Variants in ATAD2B observed in about 807,000 individuals in gnomAD.
ATAD2B encodes ATPase family AAA domain-containing protein 2B.
In ATAD2B, 40 loss-of-function variants were observed where a neutral mutation model predicts 167.6. That is an observed-to-expected ratio of 0.24 (90% CI 0.19 to 0.31). The LOEUF is 0.31. Ranked by LOEUF, ATAD2B falls within the 10% of genes least tolerant of loss-of-function variation. The pLI, the probability that ATAD2B is intolerant of heterozygous loss-of-function variation, is 1.00. For synonymous variants in ATAD2B, 579 were observed against 596.5 expected, an observed-to-expected ratio of 0.97 and a Z score of 0.43; for missense variants, 1,242 against 1,757.2, an observed-to-expected ratio of 0.71 and a Z score of 5.24.
intron 20 of ATAD2B, among the ~76,000 whole-genome samples, chr2:23,786,558 A>G (rs1473026393): frequency 6.6e-6 from 1 of 152,130 alleles, no homozygotes; most frequent in Non-Finnish European, 1.5e-5. Context: ...GTATCTGAAC[A>G]TAGAAAAGGT....
At chr2:23,786,745 C>T (rs943993173) in intron 20 of ATAD2B, among the ~76,000 whole-genome samples, 1 of 152,034 alleles carries the variant, frequency 6.6e-6, no homozygotes, top group African/African-American at 2.4e-5. Flanking sequence ...TAACTCACAA[C>T]AGGACCCCTT....
At chr2:23,890,603 A>G (rs1355692956) in intron 2 of ATAD2B, among the ~76,000 whole-genome samples, 1 of 152,214 alleles carries the variant, frequency 6.6e-6, no homozygotes, top group Non-Finnish European at 1.5e-5. Context: ...TAGACCCAAC[A>G]AAGCATTAAC....
chr2:23,857,097 C>T (rs1379133230), intron 13 of ATAD2B, among the ~76,000 whole-genome samples: 1 of 151,908 alleles, frequency 6.6e-6, no homozygotes, highest in Non-Finnish European at 1.5e-5. Context: ...ATGTTTTAAA[C>T]TTTGCAACGC....
intron 1 of ATAD2B, among the ~76,000 whole-genome samples, chr2:23,908,893 A>C (rs905800183): frequency 6.6e-6 from 1 of 150,938 alleles, no homozygotes; most frequent in Non-Finnish European, 1.5e-5. Context: ...AAGAAAAAAA[A>C]AAACAAACAC....
In ATAD2B at chr2:23,753,485, G is replaced by A. The variant is rs78506332; in HGVS notation, c.4335+694C>T. ...GAATTAAGTCATTTAGCCATTTTGT[G>A]GGTAGATGAGTGATTACATTTGCTC... On this transcript the variant is annotated intron_variant, in intron 27 of 27. Coordinates refer to ENST00000238789, the MANE Select transcript of ATAD2B (RefSeq NM_017552.4). Among the ~76,000 whole-genome samples, 1,436 of 152,148 alleles carry A rather than the reference G, an allele frequency of 9.4e-3. 16 individuals carry two copies. Among genetic ancestry groups the A allele is most frequent in the African/African-American group, 0.033 (1,369 of 41,512 alleles).
At chr2:23,859,864 C>T (rs529249467) in intron 12 of ATAD2B, among the ~76,000 whole-genome samples, 23 of 151,604 alleles carry the variant, frequency 1.5e-4, no homozygotes, top group Non-Finnish European at 2.5e-4. Context: ...GCATGAGAAT[C>T]GCTTGAACCC....
chr2:23,860,771 G>C (rs1310221152), intron 12 of ATAD2B, among the ~76,000 whole-genome samples: 1 of 152,098 alleles, frequency 6.6e-6, no homozygotes, highest in Non-Finnish European at 1.5e-5. Flanking sequence ...AGGAGTTCCA[G>C]ACTAGCCTGG....
At chr2:23,866,584 G>A (rs1695170753) in intron 10 of ATAD2B, among the ~76,000 whole-genome samples, 1 of 152,100 alleles carries the variant, frequency 6.6e-6, no homozygotes, top group Admixed American at 6.6e-5. Flanking sequence ...GTGCTGGTAA[G>A]CCAAATAAGC....
the ATAD2B span, among the ~76,000 whole-genome samples, chr2:23,679,029 A>G: frequency 6.8e-6 from 1 of 147,304 alleles, no homozygotes; most frequent in East Asian, 2.1e-4. Context: ...GACACTTTAA[A>G]ATGGGTACAT....
chr2:23,867,760 T>C lies in ATAD2B; in HGVS notation c.1188+75A>G, dbSNP rs536974775. 32 of 1,022,048 alleles carry C rather than the reference T, an allele frequency of 3.1e-5. No individual in the cohort carries two copies. In the African/African-American group the frequency reaches 4.4e-4, roughly 14 times the overall value. The allele number at this position is 1,022,048 out of a possible 1,614,324, so 63.3% of individuals were successfully genotyped here. On this transcript the variant is annotated intron_variant, in intron 10 of 27. Transcript: ENST00000238789. ...TCATATCCGAATTTTCTAGTTCTACTATGTGCTGCTTTAGAAACAAGAAAA... is the reference window on the plus strand; with the variant it reads ...TCATATCCGAATTTTCTAGTTCTACCATGTGCTGCTTTAGAAACAAGAAAA...
At chr2:23,837,049 G>C (rs1476827680) in intron 13 of ATAD2B, among the ~76,000 whole-genome samples, 5 of 152,118 alleles carry the variant, frequency 3.3e-5, no homozygotes, top group Non-Finnish European at 5.9e-5. Context: ...GCCATTCATG[G>C]TGCCCAAGCT....
At chr2:23,703,827 C>T in the ATAD2B span, 7 of 1,537,276 alleles carry the variant, frequency 4.6e-6, no homozygotes, top group Admixed American at 3.9e-5. Context: ...AACATTAAGG[C>T]GGGCCCAAAC....
intron 13 of ATAD2B, among the ~76,000 whole-genome samples, chr2:23,841,823 C>A (rs909079261): frequency 2.6e-5 from 4 of 152,216 alleles, no homozygotes; most frequent in African/African-American, 9.7e-5. Flanking sequence ...TCCAGAAATT[C>A]ATTCCTTTTT....
Position 23,847,214 on chromosome 2 carries a change from T to C in ATAD2B, c.1568+10201A>G, listed in dbSNP as rs1301959814. On this transcript the variant is annotated intron_variant, in intron 13 of 27. Coordinates refer to ENST00000238789, the MANE Select transcript of ATAD2B (RefSeq NM_017552.4). ...GGTGAAACCTTATCACTACTAAAAATTCAAAAAGTGGCTGGGCGCTTTGGC... is the reference window on the plus strand; with the variant it reads ...GGTGAAACCTTATCACTACTAAAAACTCAAAAAGTGGCTGGGCGCTTTGGC... 2.8e-5 allele frequency among the ~76,000 whole-genome samples: 4 copies of C among 144,874 alleles called. No homozygotes were observed. In the East Asian group the frequency reaches 8.2e-4, roughly 30 times the overall value.
At chr2:23,909,753 TAAAAC>T (rs771816698) in intron 1 of ATAD2B, among the ~76,000 whole-genome samples, 22 of 152,164 alleles carry the variant, frequency 1.4e-4, no homozygotes, top group African/African-American at 3.6e-4. Flanking sequence ...GTGTAGAAAA[TAAAAC>T]AAAACAAAGT....
At chr2:23,801,088 G>A (rs1006750595) in intron 18 of ATAD2B, among the ~76,000 whole-genome samples, 3 of 151,956 alleles carry the variant, frequency 2.0e-5, no homozygotes, top group South Asian at 2.1e-4. Flanking sequence ...CTTATTCTAT[G>A]TTATCTCAGA....
At chr2:23,695,456 G>C in the ATAD2B span, among the ~76,000 whole-genome samples, 2 of 152,132 alleles carry the variant, frequency 1.3e-5, no homozygotes, top group African/African-American at 2.4e-5. The surrounding 1 kb of genome is among the most constrained non-coding windows in gnomAD (Gnocchi z 7.6). Flanking sequence ...ACCTCCAGCT[G>C]ACTAGACTTC....
chr2:23,821,482 T>C (rs35379186), intron 16 of ATAD2B, among the ~76,000 whole-genome samples: 68,565 of 152,112 alleles, frequency 0.45, 16,368 homozygotes, highest in East Asian at 0.78. Context: ...GTCTGCCAAA[T>C]TTAAGAAATC....
intron 25 of ATAD2B, among the ~76,000 whole-genome samples, chr2:23,757,201 A>G (rs1036331189): frequency 1.3e-5 from 2 of 152,024 alleles, no homozygotes; most frequent in African/African-American, 4.8e-5. Flanking sequence ...GAAACGATAC[A>G]CCCTCTGAAA....
Sources: allele counts gnomAD v4.1 joint callset (sites outside exome capture counted in the v4.1 genomes callset), GRCh38; gene constraint gnomAD v4.1.1; non-coding constraint Gnocchi (gnomAD v3.1); transcripts MANE v1.5; gene names NCBI Gene and HGNC (gene_info 2026-07-23, HGNC 2026-07-21).